TFEB: variants seen among roughly 807,000 people sequenced by gnomAD.
TFEB encodes T-cell transcription factor EB.
Under a neutral mutation model 48.0 loss-of-function variants are expected in TFEB, and 12 were observed. The ratio of observed to expected loss-of-function variants is 0.25; its 90% CI spans 0.16 to 0.40. The LOEUF (loss-of-function observed/expected upper bound fraction) is 0.40, where lower values mean the gene tolerates loss of function less well. Ranked by LOEUF, TFEB falls within the 10% of genes least tolerant of loss-of-function variation. The pLI is 1.00. For missense variants in TFEB, 509 were observed against 640.3 expected (o/e 0.79, Z 2.21); for synonymous variants, 244 against 261.4 (o/e 0.93, Z 0.64).
At chr6:41,701,953 A>AAAAG (rs1373897041) in intron 1 of TFEB, among the ~76,000 whole-genome samples, 1 of 151,808 alleles carries the variant, frequency 6.6e-6, no homozygotes, top group East Asian at 1.9e-4. Context: ...TCAAAAAAAA[A>AAAAG]AAAAAAAGAA....
chr6:41,686,036 A>G (rs1768980375), intron 8 of TFEB, 54 bp downstream of exon 8: 1 of 1,610,072 alleles, frequency 6.2e-7, no homozygotes, highest in Admixed American at 1.7e-5. Context: ...CCTTAGGGCC[A>G]GGAGCCAGGT....
chr6:41,708,098 ACATGGC>A (rs1770320773), intron 1 of TFEB, among the ~76,000 whole-genome samples: 1 of 152,234 alleles, frequency 6.6e-6, no homozygotes, highest in African/African-American at 2.4e-5. Flanking sequence ...AGTGTCTGCC[ACATGGC>A]AGGCGCCTCA....
At chr6:41,709,054 T>C (rs543789822) in intron 1 of TFEB, among the ~76,000 whole-genome samples, 15 of 152,338 alleles carry the variant, frequency 9.8e-5, no homozygotes, top group Admixed American at 2.0e-4. Flanking sequence ...CAAATGCCAG[T>C]AGGACTAGAA....
At chr6:41,712,651 C>T (rs1242279111) in intron 1 of TFEB, among the ~76,000 whole-genome samples, 1 of 152,222 alleles carries the variant, frequency 6.6e-6, no homozygotes, top group East Asian at 1.9e-4. Context: ...CAAGCACTGG[C>T]AGGGGCTGCT....
chr6:41,727,603 G>A (rs1414093888), intron 1 of TFEB, among the ~76,000 whole-genome samples: 1 of 152,188 alleles, frequency 6.6e-6, no homozygotes, highest in African/African-American at 2.4e-5. Context: ...AAGGTAAGAG[G>A]ATTGCTTGAG....
At chr6:41,729,261 A>C (rs1170101305) in intron 1 of TFEB, among the ~76,000 whole-genome samples, 1 of 151,936 alleles carries the variant, frequency 6.6e-6, no homozygotes, top group Non-Finnish European at 1.5e-5. Flanking sequence ...AAGGCCCAGG[A>C]CCACCTAGAA....
intron 1 of TFEB, among the ~76,000 whole-genome samples, chr6:41,701,029 A>G (rs1446041464): frequency 6.6e-6 from 1 of 152,262 alleles, no homozygotes; most frequent in Non-Finnish European, 1.5e-5. Flanking sequence ...GAAAGGAGAA[A>G]CTAGAAAAGG....
intron 1 of TFEB, among the ~76,000 whole-genome samples, chr6:41,704,350 C>T (rs929326809): frequency 6.6e-6 from 1 of 152,244 alleles, no homozygotes; most frequent in African/African-American, 2.4e-5. Flanking sequence ...GGTGCTTAAC[C>T]GCTCAGAGCC....
At position 41,691,208 on chromosome 6, in the gene TFEB, C is replaced by T. The variant is rs754267830; in HGVS notation, c.6G>A (p.Ala2=). 5.2e-5 allele frequency: 83 copies of T among 1,582,600 alleles called. No individual in the cohort carries two copies. The highest frequency in any genetic ancestry group is 6.8e-5 in the Non-Finnish European group (79 of 1,161,518). ...GCTGCATGCGCAACCCTATGCGTGA[C>T]GCCATGGTGGCTGCCGGCGCTGGCT... is the stretch of plus-strand genomic sequence containing the variant. The part of the protein sequence containing the change: M[A]SRIGLRMQLM... Residue 2 remains alanine (A), a synonymous_variant, in exon 2 of 9, where the codon GCG becomes GCA. Coordinates refer to ENST00000373033, the MANE Select transcript of TFEB (RefSeq NM_001271944.2). This position sits in a 1 kb window ranked among gnomAD's most constrained non-coding sequence, Gnocchi z 5.2.
rs551632824 is a variant in TFEB, at chr6:41,723,873, C to T, written c.-23+11477G>A. 14 of 499,696 alleles carry T rather than the reference C, an allele frequency of 2.8e-5. No homozygotes were observed. Among genetic ancestry groups the T allele is most frequent in the Admixed American group, 1.4e-4 (7 of 48,988 alleles). 31.0% of individuals were successfully genotyped at this position (499,696 alleles called of 1,614,324 possible). On this transcript the variant is annotated intron_variant, in intron 1 of 8. Coordinates refer to ENST00000373033, the MANE Select transcript of TFEB (RefSeq NM_001271944.2). This position sits in a 1 kb window ranked among gnomAD's most constrained non-coding sequence, Gnocchi z 6.0. The stretch of plus-strand genomic sequence containing the variant: ...GAGAGACACAGAGCAGCAAGAATTT[C>T]GCCAGAGTCCCAATCCCACCAGGTC...
Position 41,723,436 on chromosome 6 carries a change from C to T in TFEB, c.-23+11914G>A. 8.1e-7 allele frequency: 1 copy of T among 1,230,244 alleles called. No homozygotes were observed. The highest frequency in any genetic ancestry group is 1.1e-6 in the Non-Finnish European group (1 of 935,626). 76.2% of individuals were successfully genotyped at this position (1,230,244 alleles called of 1,614,324 possible). On this transcript the variant is annotated intron_variant, in intron 1 of 8. Transcript: ENST00000373033. The surrounding 1 kb of genome is among the most constrained non-coding windows in gnomAD (Gnocchi z 6.0). The stretch of plus-strand genomic sequence containing the variant: ...GCTCACACACATGCACACACTCACA[C>T]ACATGCACGCGTGTGCTCTCATACC...
rs771531097 is a variant in TFEB, at chr6:41,687,902, C to T, written c.670+6G>A. 6.2e-7 allele frequency: 1 copy of T among 1,613,154 alleles called. No homozygotes were observed. The highest frequency in any genetic ancestry group is 1.1e-5 in the South Asian group (1 of 90,978). On this transcript the variant is annotated splice_donor_region_variant and intron_variant, in intron 5 of 8. Transcript: ENST00000373033. Reference sequence around the variant, plus strand: ...TCAAAGGCACAGGGGTAGAGGGAGGCAGTACCTGTGAGCTCTCGCTTCTGG... The same window carrying T: ...TCAAAGGCACAGGGGTAGAGGGAGGTAGTACCTGTGAGCTCTCGCTTCTGG...
chr6:41,685,356 G>C (rs1400990916), intron 8 of TFEB, among the ~76,000 whole-genome samples: 1 of 152,182 alleles, frequency 6.6e-6, no homozygotes, highest in East Asian at 1.9e-4. Context: ...GACTAGACTA[G>C]AATAGAAATT....
chr6:41,702,255 G>C (rs1769971339), intron 1 of TFEB, among the ~76,000 whole-genome samples: 1 of 152,156 alleles, frequency 6.6e-6, no homozygotes, highest in Admixed American at 6.5e-5. Flanking sequence ...AAATAGCCAA[G>C]ACATCCATGC....
At chr6:41,716,504 T>G (rs1055346039) in intron 1 of TFEB, among the ~76,000 whole-genome samples, 6 of 152,170 alleles carry the variant, frequency 3.9e-5, no homozygotes, top group African/African-American at 1.4e-4. Flanking sequence ...GAGCTAGAGC[T>G]GGAAGGATGA....
In TFEB at chr6:41,706,667, T is replaced by C. The variant is rs111666848; in HGVS notation, c.-22-15432A>G. 4.8e-3 allele frequency among the ~76,000 whole-genome samples: 734 copies of C among 152,194 alleles called. 7 individuals carry two copies. Among genetic ancestry groups the C allele is most frequent in the African/African-American group, 0.016 (659 of 41,516 alleles). On this transcript the variant is annotated intron_variant, in intron 1 of 8. Transcript: ENST00000373033. ...CCGGCTGGCATTCCCACCCCATCTC[T>C]GTCAGGGAGCCAGAGGAGGAGACCT... is the stretch of plus-strand genomic sequence containing the variant.
rs1770931706 is a variant in TFEB, at chr6:41,720,467, C to G, written c.-23+14883G>C. The G allele has an allele frequency of 6.6e-6, 1 of 152,382 alleles. No homozygotes were observed. Among genetic ancestry groups the G allele is most frequent in the Non-Finnish European group, 1.5e-5 (1 of 68,180 alleles). The allele number at this position is 152,382 out of a possible 1,614,324, so 9.4% of individuals were successfully genotyped here. A position where few individuals can be genotyped will look rare whatever the true frequency, so the allele number is the denominator to read the frequency against. Reference sequence around the variant, plus strand: ...TTAAAGACGACAATCATAACCCACCCAGAGCTCTTCATACTTCCTGCAGCC... The same window carrying G: ...TTAAAGACGACAATCATAACCCACCGAGAGCTCTTCATACTTCCTGCAGCC... On this transcript the variant is annotated intron_variant, in intron 1 of 8. Transcript: ENST00000373033. This position sits in a 1 kb window ranked among gnomAD's most constrained non-coding sequence, Gnocchi z 4.1.
At chr6:41,717,866 T>C (rs1243613116) in intron 1 of TFEB, among the ~76,000 whole-genome samples, 4 of 152,176 alleles carry the variant, frequency 2.6e-5, no homozygotes, top group Admixed American at 2.6e-4. Context: ...GAAAATCCCT[T>C]CCTAAGTTTC....
rs545838901 is a variant in TFEB, at chr6:41,714,160, C to T, written c.-23+21190G>A. On this transcript the variant is annotated intron_variant, in intron 1 of 8. Coordinates refer to ENST00000373033, the MANE Select transcript of TFEB (RefSeq NM_001271944.2). Reference sequence around the variant, plus strand: ...GTGTGCGTGTGTGTGCATGTGCATGCGTGTGCATGTGTGCGTGTGTGTGCA... The same window carrying T: ...GTGTGCGTGTGTGTGCATGTGCATGTGTGTGCATGTGTGCGTGTGTGTGCA... Among the ~76,000 whole-genome samples the T allele has an allele frequency of 6.7e-4, 90 of 134,900 alleles. 1 individual carries two copies. The highest frequency in any genetic ancestry group is 2.2e-3 in the African/African-American group (67 of 30,856). The allele number at this position is 134,900 out of a possible 152,430, so 88.5% of individuals were successfully genotyped here.
Sources: allele counts gnomAD v4.1 joint callset (sites outside exome capture counted in the v4.1 genomes callset), GRCh38; gene constraint gnomAD v4.1.1; non-coding constraint Gnocchi (gnomAD v3.1); transcripts MANE v1.5; gene names NCBI Gene and HGNC (gene_info 2026-07-23, HGNC 2026-07-21).